MACF1: variants seen among roughly 807,000 people sequenced by gnomAD.
MACF1 encodes the protein microtubule-actin cross-linking factor 1.
A neutral mutation model predicts 854.8 loss-of-function variants in MACF1; 193 were observed. The ratio of observed to expected loss-of-function variants is 0.23; its 90% CI spans 0.20 to 0.25. The LOEUF (loss-of-function observed/expected upper bound fraction) is 0.25, where lower values mean the gene tolerates loss of function less well. MACF1 is among the 10% of genes least tolerant of loss of function. The probability of loss-of-function intolerance (pLI) is 1.00; values close to 1 mark genes in which losing one functional copy is unlikely to be tolerated. For missense variants in MACF1, 7,722 were observed against 8,929.1 expected (o/e 0.86, Z 5.45); for synonymous variants, 3,185 against 3,226.7 (o/e 0.99, Z 0.44).
chr1:39,100,582 G>A (rs1487932706), intron 2 of MACF1, among the ~76,000 whole-genome samples: 6 of 152,284 alleles, frequency 3.9e-5, no homozygotes, highest in Non-Finnish European at 5.9e-5. Context: ...GGCCGGGTGC[G>A]GTGGCTCATG....
At chr1:39,107,739 G>T (rs1304738230) in intron 2 of MACF1, among the ~76,000 whole-genome samples, 1 of 152,216 alleles carries the variant, frequency 6.6e-6, no homozygotes, top group Non-Finnish European at 1.5e-5. Context: ...CCACGTATTG[G>T]TTTTGGAAAG....
At chr1:39,227,354 T>C (rs940275933) in intron 1 of MACF1, among the ~76,000 whole-genome samples, 5 of 152,218 alleles carry the variant, frequency 3.3e-5, no homozygotes, top group Admixed American at 6.5e-5. Context: ...GTTTTAGTTC[T>C]TACTATGTAG....
chr1:39,212,789 A>C (rs1644532053), intron 1 of MACF1, among the ~76,000 whole-genome samples: 1 of 152,060 alleles, frequency 6.6e-6, no homozygotes, highest in Non-Finnish European at 1.5e-5. Flanking sequence ...TGCCCGGCTA[A>C]TTTTTGTATT....
chr1:39,268,366 AGG>A, intron 6 of MACF1: 1 of 775,418 alleles, frequency 1.3e-6, no homozygotes, highest in Non-Finnish European at 1.6e-6. Context: ...TGTGTTACTG[AGG>A]GCAGTGCTCC....
chr1:39,304,593 T>C, intron 23 of MACF1: 1 of 711,280 alleles, frequency 1.4e-6, no homozygotes, highest in East Asian at 3.2e-5. Flanking sequence ...AGACAGAGCC[T>C]TGCTCTGTCG....
intron 2 of MACF1, among the ~76,000 whole-genome samples, chr1:39,152,123 C>T (rs1643593542): frequency 6.6e-6 from 1 of 152,028 alleles, no homozygotes; most frequent in Non-Finnish European, 1.5e-5. Context: ...TACAGATGCC[C>T]ACCACCATGC....
intron 60 of MACF1, 116 bp downstream of exon 60, chr1:39,423,016 G>A (rs1643596910): frequency 1.0e-5 from 9 of 862,190 alleles, no homozygotes; most frequent in Non-Finnish European, 5.3e-6. Context: ...AAACTACTTT[G>A]TGTCGTCCTG....
chr1:39,175,974 G>A (rs1644019437), intron 2 of MACF1, among the ~76,000 whole-genome samples: 1 of 149,612 alleles, frequency 6.7e-6, no homozygotes, highest in Admixed American at 6.7e-5. Context: ...GCCAGGTGTG[G>A]TGACGGGCAC....
At chr1:39,359,904 A>C (rs1163904190) in intron 47 of MACF1, among the ~76,000 whole-genome samples, 7 of 145,714 alleles carry the variant, frequency 4.8e-5, no homozygotes, top group African/African-American at 1.8e-4. Flanking sequence ...GGAGAATGGC[A>C]TCAACCTGGG....
Position 39,437,907 on chromosome 1 carries a change from T to C in MACF1, c.18119T>C (p.Val6040Ala), listed in dbSNP as rs1644016020. The change falls in exon 71 of 101, where the codon GTG becomes GCG. Residue 6040 changes from valine (V) to alanine (A), a missense_variant. This residue lies in a region of MACF1 where 2,807 missense variants were observed against 3,235.8 expected (regional missense o/e 0.87). Transcript: ENST00000564288. Reference protein sequence around the residue: ...ECISDNKSATVELEKLQPSFE... With the variant: ...ECISDNKSATAELEKLQPSFE... ...ATCAGTGACAATAAGAGTGCCACCGTGGAGCTAGAAAAACTGCAGCCATCC... is the reference window on the plus strand; with the variant it reads ...ATCAGTGACAATAAGAGTGCCACCGCGGAGCTAGAAAAACTGCAGCCATCC... 6.2e-7 allele frequency: 1 copy of C among 1,614,092 alleles called. No individual in the cohort carries two copies. The highest frequency in any genetic ancestry group is 1.3e-5 in the African/African-American group (1 of 75,006).
At chr1:39,263,771 CT>C (rs11453750) in intron 6 of MACF1, among the ~76,000 whole-genome samples, 29 of 100,204 alleles carry the variant, frequency 2.9e-4, no homozygotes, top group East Asian at 6.0e-4. Context: ...TTTCTTTTTT[CT>C]TTTTTTTTTT....
At chr1:39,321,883 C>G (rs1646521842) in intron 31 of MACF1, among the ~76,000 whole-genome samples, 1 of 152,090 alleles carries the variant, frequency 6.6e-6, no homozygotes, top group African/African-American at 2.4e-5. Flanking sequence ...ATGTGGTCAT[C>G]TTTGGGTTTT....
intron 23 of MACF1, among the ~76,000 whole-genome samples, chr1:39,306,648 G>C (rs1646184553): frequency 6.8e-6 from 1 of 146,660 alleles, no homozygotes; most frequent in Non-Finnish European, 1.5e-5. Flanking sequence ...CTGTTCTGTA[G>C]GCCTGATTCA....
chr1:39,166,125 A>G (rs982793023), intron 2 of MACF1, among the ~76,000 whole-genome samples: 2 of 150,954 alleles, frequency 1.3e-5, no homozygotes, highest in African/African-American at 2.4e-5. Context: ...CTGGGGTGCA[A>G]TGGCATATCT....
At chr1:39,352,853 G>A (rs1226163208) in intron 43 of MACF1, among the ~76,000 whole-genome samples, 154 bp from the exon 44 acceptor site, 1 of 151,518 alleles carries the variant, frequency 6.6e-6, no homozygotes, top group Non-Finnish European at 1.5e-5. Context: ...GATTTTAAAA[G>A]ATATGAATTC....
At chr1:39,122,002 A>G (rs915586154) in intron 2 of MACF1, among the ~76,000 whole-genome samples, 1 of 152,114 alleles carries the variant, frequency 6.6e-6, no homozygotes, top group African/African-American at 2.4e-5. Flanking sequence ...ACTCTTGAAA[A>G]TGGTCTGATT....
At chr1:39,340,416 T>G (rs775755657) in intron 38 of MACF1, 86 bp from the exon 39 acceptor site, 2 of 905,624 alleles carry the variant, frequency 2.2e-6, no homozygotes, top group Non-Finnish European at 3.5e-6. Context: ...TGTGTAGACA[T>G]GGGGTGAGAG....
intron 2 of MACF1, among the ~76,000 whole-genome samples, chr1:39,152,857 T>TA (rs34440965): frequency 0.6 from 89,385 of 148,868 alleles, 28,549 homozygotes; most frequent in South Asian, 0.77. Context: ...TTAAACAAAT[T>TA]AAAAAAAAAA....
chr1:39,087,100 G>A (rs1641691831), intron 2 of MACF1, among the ~76,000 whole-genome samples: 1 of 152,210 alleles, frequency 6.6e-6, no homozygotes, highest in African/African-American at 2.4e-5. Context: ...TAGCTCTGCA[G>A]GGACTCCTTC....
Sources: gnomAD v4.1 joint callset for allele counts (sites outside exome capture counted in the v4.1 genomes callset) on GRCh38, gnomAD v4.1.1 for gene constraint, gnomAD v4.1.1 regional missense constraint, MANE v1.5 for transcripts, NCBI Gene and HGNC (gene_info 2026-07-23, HGNC 2026-07-21) for gene names.